The following OTOA variants were observed in gnomAD, a reference collection of about 807,000 sequenced individuals.
OTOA encodes the protein cancer/testis antigen 108.
Under a neutral mutation model 110.8 loss-of-function variants are expected in OTOA, and 70 were observed. That is an observed-to-expected ratio of 0.63 (90% confidence interval 0.52 to 0.77). OTOA has a LOEUF of 0.77. Among genes scored for constraint, OTOA ranks in the 30% least tolerant of loss-of-function variants. The pLI is 0.00. For missense variants in OTOA, 917 were observed against 1,075.8 expected (o/e 0.85, Z 2.06); for synonymous variants, 373 against 431.5 (o/e 0.86, Z 1.68).
intron 12 of OTOA, among the ~76,000 whole-genome samples, chr16:21,706,819 G>T (rs898809092): frequency 6.9e-6 from 1 of 145,858 alleles, no homozygotes; most frequent in African/African-American, 2.5e-5. Flanking sequence ...TTTGGTCAGC[G>T]CATCTTTTTT....
intron 11 of OTOA, among the ~76,000 whole-genome samples, chr16:21,702,484 C>T (rs934657306): frequency 2.6e-5 from 4 of 152,124 alleles, no homozygotes; most frequent in Admixed American, 2.0e-4. Context: ...GGACCTCGAG[C>T]CAGACTTCGT....
intron 12 of OTOA, chr16:21,705,510 T>A: frequency 1.4e-6 from 1 of 705,178 alleles, no homozygotes; most frequent in Non-Finnish European, 2.3e-6. Context: ...GATCAAAATT[T>A]AATCAGAAAG....
intron 5 of OTOA, among the ~76,000 whole-genome samples, chr16:21,679,596 G>A (rs546404275): frequency 5.3e-5 from 8 of 151,986 alleles, no homozygotes; most frequent in Non-Finnish European, 1.0e-4. Context: ...GTAGAGATGG[G>A]TTTTCACCAT....
At chr16:21,713,116 A>C (rs978170832) in intron 13 of OTOA, among the ~76,000 whole-genome samples, 3 of 151,994 alleles carry the variant, frequency 2.0e-5, no homozygotes, top group African/African-American at 7.2e-5. Flanking sequence ...GGCACATGCC[A>C]CTACGCCGGG....
intron 5 of OTOA, among the ~76,000 whole-genome samples, 169 bp from the exon 6 acceptor site, chr16:21,681,569 A>G (rs1028765812): frequency 2.6e-5 from 4 of 152,204 alleles, no homozygotes; most frequent in Non-Finnish European, 5.9e-5. Flanking sequence ...TTTCAAAAAA[A>G]GAGAAAAGAA....
chr16:21,679,922 T>C (rs1225041435), intron 5 of OTOA, among the ~76,000 whole-genome samples: 1 of 152,112 alleles, frequency 6.6e-6, no homozygotes, highest in African/African-American at 2.4e-5. Flanking sequence ...CCCTTTACTG[T>C]TGCATTATAA....
chr16:21,731,234 T>C (rs1899106831), intron 21 of OTOA, among the ~76,000 whole-genome samples: 1 of 152,244 alleles, frequency 6.6e-6, no homozygotes, highest in Non-Finnish European at 1.5e-5. Context: ...GTTCTGGCTC[T>C]CACACTGGCT....
chr16:21,697,255 T>C (rs1372359646), intron 9 of OTOA, among the ~76,000 whole-genome samples: 1 of 152,144 alleles, frequency 6.6e-6, no homozygotes, highest in Non-Finnish European at 1.5e-5. Context: ...TAACAAGGTC[T>C]GAGGTGGTGC....
At chr16:21,717,134 A>G in intron 15 of OTOA, 87 bp downstream of exon 15, 1 of 1,556,450 alleles carries the variant, frequency 6.4e-7, no homozygotes, top group Non-Finnish European at 8.8e-7. Flanking sequence ...TAATTTGATA[A>G]AAGAAATTTA....
At chr16:21,707,641 C>CTTTCTTTCT in intron 12 of OTOA, among the ~76,000 whole-genome samples, 1 of 102,184 alleles carries the variant, frequency 9.8e-6, no homozygotes, top group East Asian at 2.6e-4. Context: ...TTCTTTCTTT[C>CTTTCTTTCT]TTTCTTTCTT....
intron 7 of OTOA, 29 bp from the exon 8 acceptor site, chr16:21,687,384 A>G: frequency 6.2e-7 from 1 of 1,603,026 alleles, no homozygotes; most frequent in Non-Finnish European, 8.5e-7. Context: ...CAGCTCTCAA[A>G]CTGACCCTGG....
In OTOA at chr16:21,687,731, A is replaced by G. The variant is rs1397004206; in HGVS notation, c.635+83A>G. The G allele has an allele frequency of 4.1e-6, 5 of 1,214,482 alleles. No homozygotes were observed. The Admixed American group carries it at 8.2e-5, about 20-fold the overall frequency. 75.2% of individuals were successfully genotyped at this position (1,214,482 alleles called of 1,614,324 possible). ...CGCCCAGGTTGGAGTGCAGTGGTGCAGTCTCGGCTCACTGCAACCTCTGCC... is the reference window on the plus strand; with the variant it reads ...CGCCCAGGTTGGAGTGCAGTGGTGCGGTCTCGGCTCACTGCAACCTCTGCC... On this transcript the variant is annotated intron_variant, in intron 8 of 28. Transcript: ENST00000646100.
intron 11 of OTOA, among the ~76,000 whole-genome samples, chr16:21,703,202 T>C (rs1350404977): frequency 6.6e-6 from 1 of 152,144 alleles, no homozygotes; most frequent in African/African-American, 2.4e-5. Context: ...ACAATAGATC[T>C]CCAGAACCTA....
intron 28 of OTOA, among the ~76,000 whole-genome samples, chr16:21,759,471 T>C (rs1280664652): frequency 1.3e-5 from 2 of 149,002 alleles, no homozygotes; most frequent in Non-Finnish European, 3.0e-5. Context: ...CAGTTGTTTC[T>C]ATTTTTTTTT....
chr16:21,668,964 C>T (rs1267028414), intron 1 of OTOA, among the ~76,000 whole-genome samples: 1 of 152,002 alleles, frequency 6.6e-6, no homozygotes. Context: ...AATGGGGGTG[C>T]CATGGGTCTC....
At chr16:21,679,112 A>G in intron 4 of OTOA, 46 bp downstream of exon 4, 1 of 1,613,346 alleles carries the variant, frequency 6.2e-7, no homozygotes, top group Non-Finnish European at 8.5e-7. Flanking sequence ...AAGAATTTCA[A>G]ACAGAATGTA....
chr16:21,759,406 G>A (rs951033555), intron 28 of OTOA, among the ~76,000 whole-genome samples: 1 of 151,552 alleles, frequency 6.6e-6, no homozygotes, highest in Non-Finnish European at 1.5e-5. Flanking sequence ...TGCCATTGTT[G>A]GTTTTATGGC....
chr16:21,678,416 ATATATGTTTATATACATG>A, intron 1 of OTOA, 77 bp from the exon 2 acceptor site: 1 of 767,388 alleles, frequency 1.3e-6, no homozygotes, highest in Non-Finnish European at 2.1e-6. Context: ...CCATATATAT[ATATATGTTTATATACATG>A]TATATATATG....
At position 21,705,215 on chromosome 16, in the gene OTOA, G is replaced by T; in HGVS notation, c.1027G>T (p.Ala343Ser). Reference protein sequence around the residue: ...CFYNDLELLDATVAQVLLYQM... With the variant: ...CFYNDLELLDSTVAQVLLYQM... ...CTACAATGACCTGGAATTGCTGGATGCCACTGTGGCTCAAGTCCTGCTTTA... is the reference window on the plus strand; with the variant it reads ...CTACAATGACCTGGAATTGCTGGATTCCACTGTGGCTCAAGTCCTGCTTTA... Residue 343 changes from alanine to serine, a missense_variant, in exon 12 of 29, where the codon GCC becomes TCC. Ala to Ser is a moderately conservative substitution (Grantham distance 99). Around this residue, in one of 6 missense-constraint regions of OTOA, gnomAD observed 840 missense variants for 910.2 expected, o/e 0.92. Coordinates refer to ENST00000646100, the MANE Select transcript of OTOA (RefSeq NM_144672.4). The T allele has an allele frequency of 6.2e-7, 1 of 1,614,158 alleles. No homozygotes were observed. The highest frequency in any genetic ancestry group is 8.5e-7 in the Non-Finnish European group (1 of 1,180,022).
Sources: allele counts gnomAD v4.1 joint callset (sites outside exome capture counted in the v4.1 genomes callset), GRCh38; gene constraint gnomAD v4.1.1; regional missense constraint gnomAD v4.1.1; transcripts MANE v1.5; gene names NCBI Gene and HGNC (gene_info 2026-07-23, HGNC 2026-07-21).